KCNT2: variants seen among roughly 807,000 people sequenced by gnomAD.
KCNT2 encodes potassium channel subfamily T member 2.
In KCNT2, 67 loss-of-function variants were observed where a neutral mutation model predicts 153.8. That is an observed-to-expected ratio of 0.44 (90% confidence interval 0.36 to 0.53). The LOEUF (loss-of-function observed/expected upper bound fraction) is 0.53. Ranked by LOEUF, KCNT2 falls within the 20% of genes least tolerant of loss-of-function variation. KCNT2 has a pLI of 0.00. For missense variants in KCNT2, 975 were observed against 1,354.8 expected (o/e 0.72, Z 4.40); for synonymous variants, 500 against 458.8 (o/e 1.09, Z -1.15).
chr1:196,284,230 T>TAAAAAA lies in KCNT2; in HGVS notation c.2697+1421_2697+1426dup, dbSNP rs1190571024. ...TGGGCGACAGAGCAAGACTCTGTCT[T>TAAAAAA]AAAAAAAAAAAAAAAAAAATATATA... is the stretch of plus-strand genomic sequence containing the variant. On this transcript the variant is annotated intron_variant, in intron 23 of 27. Transcript: ENST00000294725. Among the ~76,000 whole-genome samples the TAAAAAA allele has an allele frequency of 1.7e-3, 5 of 2,974 alleles. 1 individual carries two copies. Among genetic ancestry groups the TAAAAAA allele is most frequent in the African/African-American group, 2.0e-3 (3 of 1,476 alleles). 2.0% of individuals were successfully genotyped at this position (2,974 alleles called of 152,430 possible).
chr1:196,355,550 G>C (rs1311129992), intron 14 of KCNT2, among the ~76,000 whole-genome samples: 1 of 151,678 alleles, frequency 6.6e-6, no homozygotes, highest in African/African-American at 2.4e-5. Flanking sequence ...AATAAAAAAA[G>C]GTGCCAAAGT....
rs566986073 is a variant in KCNT2 at position 196,460,588 on chromosome 1, T to A, written c.638+4705A>T. Among the ~76,000 whole-genome samples the A allele has an allele frequency of 9.9e-5, 15 of 151,796 alleles. No individual in the cohort carries two copies. In the South Asian group the frequency reaches 2.9e-3, roughly 29 times the overall value. On this transcript the variant is annotated intron_variant, in intron 8 of 27. Transcript: ENST00000294725. ...AAAAGTCTAGAAGAAACACTGATAA[T>A]TAAAGAATCATTATATATTTCACAG...
chr1:196,382,516 T>G (rs2148374886), intron 13 of KCNT2, among the ~76,000 whole-genome samples: 1 of 152,042 alleles, frequency 6.6e-6, no homozygotes, highest in African/African-American at 2.4e-5. Flanking sequence ...AACGGAAATG[T>G]TTACACAAAT....
intron 12 of KCNT2, among the ~76,000 whole-genome samples, chr1:196,401,862 C>CA (rs1487520900): frequency 6.6e-6 from 1 of 151,292 alleles, no homozygotes; most frequent in African/African-American, 2.4e-5. Context: ...ACTATATAAA[C>CA]AAAAAGATAA....
At chr1:196,362,175 T>C (rs1432320648) in intron 14 of KCNT2, among the ~76,000 whole-genome samples, 3 of 152,066 alleles carry the variant, frequency 2.0e-5, no homozygotes, top group Non-Finnish European at 2.9e-5. Flanking sequence ...CCTATTACTT[T>C]TGAGAAACTT....
chr1:196,453,995 C>A (rs1175080136), intron 8 of KCNT2, among the ~76,000 whole-genome samples: 1 of 132,546 alleles, frequency 7.5e-6, no homozygotes, highest in Non-Finnish European at 1.6e-5. Flanking sequence ...GTCATCTTTC[C>A]ATTTTTTTTA....
intron 1 of KCNT2, among the ~76,000 whole-genome samples, chr1:196,559,928 C>A (rs1191936848): frequency 6.6e-6 from 1 of 151,602 alleles, no homozygotes; most frequent in East Asian, 1.9e-4. Context: ...ACATTTCATT[C>A]TTTTTCTTAG....
At chr1:196,598,117 T>C (rs1558122434) in intron 1 of KCNT2, among the ~76,000 whole-genome samples, 2 of 152,178 alleles carry the variant, frequency 1.3e-5, no homozygotes, top group South Asian at 2.1e-4. Context: ...AATAAATGGA[T>C]GACCCTGTCC....
rs184093001 is a variant in KCNT2, at chr1:196,376,496, A to G, written c.1295-3248T>C. On this transcript the variant is annotated intron_variant, in intron 13 of 27. Transcript: ENST00000294725. ...AATTTCGTGTTTTACCACCAAGACT[A>G]CAAAAATATTTTCATGTTGCAGAGA... 2.0e-3 allele frequency among the ~76,000 whole-genome samples: 304 copies of G among 152,040 alleles called. 5 individuals carry two copies. In the East Asian group the frequency reaches 0.041, roughly 21 times the overall value.
chr1:196,262,799 T>A (rs2147795959), intron 25 of KCNT2, among the ~76,000 whole-genome samples: 1 of 152,214 alleles, frequency 6.6e-6, no homozygotes, highest in African/African-American at 2.4e-5. Flanking sequence ...ATAAACAATC[T>A]TATAGTCTAA....
In KCNT2 at chr1:196,334,041, C is replaced by A. The variant is rs201543486; in HGVS notation, c.1803G>T (p.Leu601Phe). The part of the protein sequence containing the change: ...IASMGTVAID[L>F]QDTSCRSASG... ...TTGCTGATCTACAGCTTGTATCTTG[C>A]AAGTCTATAGCCACAGTACCTAAAA... Residue 601 changes from leucine (L) to phenylalanine (F), a missense_variant, in exon 17 of 28, where the codon TTG (leucine) becomes TTT (phenylalanine). Leu to Phe is a conservative substitution (Grantham distance 22, BLOSUM62 0). Coordinates refer to ENST00000294725, the MANE Select transcript of KCNT2 (RefSeq NM_198503.5). 6.2e-7 allele frequency: 1 copy of A among 1,612,782 alleles called. No individual in the cohort carries two copies. Among genetic ancestry groups the A allele is most frequent in the South Asian group, 1.1e-5 (1 of 91,058 alleles).
chr1:196,433,071 G>A (rs1674304197), intron 8 of KCNT2, among the ~76,000 whole-genome samples: 1 of 152,058 alleles, frequency 6.6e-6, no homozygotes, highest in African/African-American at 2.4e-5. Context: ...GTGAGAACCA[G>A]CTGGGCTGTT....
intron 25 of KCNT2, among the ~76,000 whole-genome samples, chr1:196,265,483 TG>T (rs1202990493): frequency 1.3e-5 from 2 of 152,190 alleles, no homozygotes; most frequent in Non-Finnish European, 1.5e-5. Flanking sequence ...ATCAAGTGGT[TG>T]GTATCCAGTA....
intron 26 of KCNT2, among the ~76,000 whole-genome samples, chr1:196,246,189 T>G (rs534662301): frequency 6.6e-6 from 1 of 152,188 alleles, no homozygotes; most frequent in African/African-American, 2.4e-5. Flanking sequence ...AGTGGCATTA[T>G]GTATTTAAAG....
At chr1:196,383,383 C>T (rs554090354) in intron 13 of KCNT2, among the ~76,000 whole-genome samples, 5 of 152,244 alleles carry the variant, frequency 3.3e-5, no homozygotes, top group Admixed American at 1.3e-4. Flanking sequence ...ATGGCAATGT[C>T]AAATCGCTAT....
intron 22 of KCNT2, among the ~76,000 whole-genome samples, chr1:196,289,865 A>G (rs1455363108): frequency 6.6e-6 from 1 of 152,122 alleles, no homozygotes; most frequent in Non-Finnish European, 1.5e-5. Flanking sequence ...TTATATAAGT[A>G]TCTAAAAGAA....
chr1:196,429,391 G>T (rs551943401), intron 9 of KCNT2, among the ~76,000 whole-genome samples, 186 bp downstream of exon 9: 1 of 151,928 alleles, frequency 6.6e-6, no homozygotes, highest in Non-Finnish European at 1.5e-5. Flanking sequence ...AAAGCAACTC[G>T]GTGTTTCTAA....
chr1:196,500,930 C>T (rs1235897247), intron 1 of KCNT2, among the ~76,000 whole-genome samples: 2 of 152,136 alleles, frequency 1.3e-5, no homozygotes, highest in East Asian at 1.9e-4. Flanking sequence ...CAAATGTATG[C>T]AGCCACAAAC....
At chr1:196,421,243 C>T (rs115409670) in intron 12 of KCNT2, among the ~76,000 whole-genome samples, 8,757 of 151,602 alleles carry the variant, frequency 0.058, 391 homozygotes, top group Non-Finnish European at 0.085. Flanking sequence ...TTAGTAGTGT[C>T]AGGAAAAAAA....
Sources: allele counts gnomAD v4.1 joint callset (sites outside exome capture counted in the v4.1 genomes callset), GRCh38; gene constraint gnomAD v4.1.1; transcripts MANE v1.5; gene names NCBI Gene and HGNC (gene_info 2026-07-23, HGNC 2026-07-21).